The following SHISA9 variants were observed in gnomAD, a reference collection of about 807,000 sequenced individuals.
The protein encoded by SHISA9 is protein shisa-9.
A neutral mutation model predicts 38.0 loss-of-function variants in SHISA9; 13 were observed. That is an observed-to-expected ratio of 0.34 (90% confidence interval 0.22 to 0.54). The LOEUF (loss-of-function observed/expected upper bound fraction) is 0.54, where lower values mean the gene tolerates loss of function less well. Among genes scored for constraint, SHISA9 ranks in the 20% least tolerant of loss-of-function variants. SHISA9 has a pLI of 0.91. For synonymous variants in SHISA9, 275 were observed against 242.0 expected, an observed-to-expected ratio of 1.14 and a Z score of -1.27; for missense variants, 538 against 575.8, an observed-to-expected ratio of 0.93 and a Z score of 0.67.
chr16:13,476,667 T>A, the SHISA9 span, among the ~76,000 whole-genome samples: 2 of 146,614 alleles, frequency 1.4e-5, no homozygotes, highest in Non-Finnish European at 3.0e-5. Context: ...AGACCCTCCC[T>A]CCCATCCCAC....
intron 4 of SHISA9, among the ~76,000 whole-genome samples, chr16:13,224,026 T>G (rs1455392459): frequency 6.6e-6 from 1 of 152,212 alleles, no homozygotes; most frequent in Non-Finnish European, 1.5e-5. Flanking sequence ...TCAGTTTCCC[T>G]ACTTATAAAA....
chr16:12,959,763 C>T (rs2071885059), intron 2 of SHISA9, among the ~76,000 whole-genome samples: 2 of 152,156 alleles, frequency 1.3e-5, no homozygotes, highest in South Asian at 4.1e-4. Context: ...CCAAGTAGAG[C>T]CCAGACCTTC....
At chr16:13,170,856 C>G (rs984249608) in intron 2 of SHISA9, among the ~76,000 whole-genome samples, 4 of 152,126 alleles carry the variant, frequency 2.6e-5, no homozygotes, top group Non-Finnish European at 4.4e-5. Flanking sequence ...GGGGTTTCAC[C>G]ATGTTGGGCA....
At chr16:13,321,334 G>A in the SHISA9 span, among the ~76,000 whole-genome samples, 1 of 152,178 alleles carries the variant, frequency 6.6e-6, no homozygotes, top group Non-Finnish European at 1.5e-5. Flanking sequence ...CAAATAGCAT[G>A]TCAATAAATG....
At chr16:13,285,602 G>T in the SHISA9 span, among the ~76,000 whole-genome samples, 3 of 151,606 alleles carry the variant, frequency 2.0e-5, no homozygotes, top group Non-Finnish European at 4.4e-5. Flanking sequence ...GCTATCCAAG[G>T]TATAGCCCCA....
the SHISA9 span, among the ~76,000 whole-genome samples, chr16:13,518,594 C>A: frequency 6.6e-6 from 1 of 152,140 alleles, no homozygotes; most frequent in African/African-American, 2.4e-5. Context: ...CCCAACCCAC[C>A]TGAAATGACA....
the SHISA9 span, among the ~76,000 whole-genome samples, chr16:13,521,640 G>GAT: frequency 1.3e-5 from 2 of 152,200 alleles, no homozygotes; most frequent in African/African-American, 4.8e-5. Flanking sequence ...TTTAAAAGTA[G>GAT]ATAGCTTTTG....
chr16:13,418,535 C>T, the SHISA9 span, among the ~76,000 whole-genome samples: 283 of 152,298 alleles, frequency 1.9e-3, 2 homozygotes, highest in Non-Finnish European at 1.6e-4. Context: ...ACTGCTTCTC[C>T]TCCGTATGAC....
intron 2 of SHISA9, among the ~76,000 whole-genome samples, chr16:13,201,367 G>A (rs1156747644): frequency 2.2e-5 from 3 of 135,604 alleles, no homozygotes; most frequent in Admixed American, 2.2e-4. Flanking sequence ...TATAATACTA[G>A]TACAACACAG....
chr16:13,130,294 T>C (rs1324838897), intron 2 of SHISA9, among the ~76,000 whole-genome samples: 1 of 152,184 alleles, frequency 6.6e-6, no homozygotes, highest in Non-Finnish European at 1.5e-5. Context: ...GTTCATATTA[T>C]TCTCAGGGAA....
chr16:13,486,544 C>G, the SHISA9 span, among the ~76,000 whole-genome samples: 30 of 152,136 alleles, frequency 2.0e-4, no homozygotes, highest in Admixed American at 1.3e-4. Flanking sequence ...CATTTTTACT[C>G]CATATCATTT....
At chr16:13,378,288 C>G in the SHISA9 span, among the ~76,000 whole-genome samples, 4 of 152,158 alleles carry the variant, frequency 2.6e-5, no homozygotes, top group Non-Finnish European at 5.9e-5. Flanking sequence ...CAAACTTGCT[C>G]TGTTTCCCTT....
intron 2 of SHISA9, among the ~76,000 whole-genome samples, chr16:12,989,429 C>T (rs1279314680): frequency 2.6e-5 from 4 of 152,086 alleles, no homozygotes; most frequent in Non-Finnish European, 5.9e-5. Context: ...CTGCCTGCCT[C>T]AGCCTCCCCC....
chr16:12,909,091 C>T, intron 1 of SHISA9: 1 of 988,472 alleles, frequency 1.0e-6, no homozygotes, highest in Non-Finnish European at 1.2e-6. Flanking sequence ...GACCAGCTTC[C>T]CAGGCTGGAG....
the SHISA9 span, among the ~76,000 whole-genome samples, chr16:13,330,325 G>C: frequency 6.6e-6 from 1 of 152,130 alleles, no homozygotes; most frequent in Non-Finnish European, 1.5e-5. Flanking sequence ...AGTGCTTTTA[G>C]ATTTTCATGT....
the SHISA9 span, among the ~76,000 whole-genome samples, chr16:13,330,681 A>T: frequency 6.6e-6 from 1 of 152,202 alleles, no homozygotes; most frequent in Admixed American, 6.5e-5. Context: ...ATGGCTGCAT[A>T]GTATTCCATT....
At chr16:13,369,353 G>A in the SHISA9 span, among the ~76,000 whole-genome samples, 1 of 151,950 alleles carries the variant, frequency 6.6e-6, no homozygotes. Context: ...TTCAGTCTAG[G>A]AGATAGGAGT....
At chr16:13,377,540 C>T in the SHISA9 span, among the ~76,000 whole-genome samples, 2 of 152,074 alleles carry the variant, frequency 1.3e-5, no homozygotes, top group African/African-American at 2.4e-5. Context: ...CCTATGCCAC[C>T]CATGGATTTT....
At chr16:13,133,497 G>A (rs999472885) in intron 2 of SHISA9, among the ~76,000 whole-genome samples, 5 of 152,192 alleles carry the variant, frequency 3.3e-5, no homozygotes, top group Admixed American at 3.3e-4. Flanking sequence ...TATAGCTCTG[G>A]CCATTGGCAT....
Sources: gnomAD v4.1 joint callset for allele counts (sites outside exome capture counted in the v4.1 genomes callset) on GRCh38, gnomAD v4.1.1 for gene constraint, MANE v1.5 for transcripts, NCBI Gene and HGNC (gene_info 2026-07-23, HGNC 2026-07-21) for gene names.